PDS5A: variants seen among roughly 807,000 people sequenced by gnomAD.
PDS5A encodes PDS5 cohesin associated factor A, also known as sister chromatid cohesion protein PDS5 homolog A.
PDS5A carries 42 observed loss-of-function variants against 167.1 expected under a neutral mutation model. That is an observed-to-expected ratio of 0.25 (90% CI 0.20 to 0.33). PDS5A has a LOEUF of 0.33. PDS5A is among the 10% of genes least tolerant of loss of function. The probability of loss-of-function intolerance (pLI) is 1.00; values close to 1 mark genes in which losing one functional copy is unlikely to be tolerated. For missense variants in PDS5A, 1,033 were observed against 1,605.9 expected, an observed-to-expected ratio of 0.64 and a Z score of 6.10; for synonymous variants, 553 against 554.6, an observed-to-expected ratio of 1.00 and a Z score of 0.04.
At chr4:39,925,095 G>A (rs1578754275) in intron 5 of PDS5A, among the ~76,000 whole-genome samples, 1 of 152,006 alleles carries the variant, frequency 6.6e-6, no homozygotes, top group African/African-American at 2.4e-5. Flanking sequence ...ATGGGTGACA[G>A]AGCAAGACAC....
At position 39,906,510 on chromosome 4, in the gene PDS5A, A is replaced by C. The variant is rs142009722; in HGVS notation, c.1233+1885T>G. On this transcript the variant is annotated intron_variant, in intron 11 of 32. Coordinates refer to ENST00000303538, the MANE Select transcript of PDS5A (RefSeq NM_001100399.2). ...AAGGTTTAATAGGGTAGGAAAGAAA[A>C]GTTGTAAGAGAAGAGACAGGAAAGG... is the stretch of plus-strand genomic sequence containing the variant. Among the ~76,000 whole-genome samples the C allele has an allele frequency of 3.7e-4, 57 of 152,160 alleles. No homozygotes were observed. The East Asian group carries it at 8.7e-3, about 23-fold the overall frequency.
intron 12 of PDS5A, among the ~76,000 whole-genome samples, 195 bp from the exon 13 acceptor site, chr4:39,902,655 T>C (rs545184192): frequency 5.5e-4 from 83 of 152,106 alleles, no homozygotes; most frequent in African/African-American, 1.9e-3. Context: ...CTCCAGTAGC[T>C]AGGACTACAG....
intron 14 of PDS5A, among the ~76,000 whole-genome samples, chr4:39,900,115 T>C (rs948383101): frequency 4.6e-5 from 7 of 152,280 alleles, no homozygotes; most frequent in Admixed American, 1.3e-4. Flanking sequence ...AAAAGAAATA[T>C]GATGTTTAAT....
chr4:39,943,676 G>A (rs1016668634), intron 2 of PDS5A, among the ~76,000 whole-genome samples: 4 of 151,422 alleles, frequency 2.6e-5, no homozygotes, highest in African/African-American at 9.7e-5. Flanking sequence ...ATGTGGTGGT[G>A]CGCACTTGTA....
chr4:39,925,940 TAAATAA>T lies in PDS5A; in HGVS notation c.430-13_430-8del. The T allele has an allele frequency of 9.8e-7, 1 of 1,021,016 alleles. No homozygotes were observed. Among genetic ancestry groups the T allele is most frequent in the African/African-American group, 1.7e-5 (1 of 60,436 alleles). The allele number at this position is 1,021,016 out of a possible 1,614,324, so 63.2% of individuals were successfully genotyped here. On this transcript the variant is annotated splice_polypyrimidine_tract_variant and splice_region_variant and intron_variant, in intron 4 of 32. Coordinates refer to ENST00000303538, the MANE Select transcript of PDS5A (RefSeq NM_001100399.2). ...ATTTAACCCAAGCTAAATTCTTAAA[TAAATAA>T]AAATAATTATTGAATTATACATATA...
intron 2 of PDS5A, among the ~76,000 whole-genome samples, chr4:39,959,467 T>C (rs1250853324): frequency 1.3e-5 from 2 of 152,008 alleles, no homozygotes; most frequent in African/African-American, 2.4e-5. Flanking sequence ...TCCTTCCAAC[T>C]GGCCTCCTGA....
Position 39,976,590 on chromosome 4 carries a change from C to T in PDS5A, c.-13G>A, listed in dbSNP as rs1296181175. The T allele has an allele frequency of 8.7e-6, 14 of 1,606,724 alleles. No homozygotes were observed. The highest frequency in any genetic ancestry group is 1.2e-5 in the Non-Finnish European group (14 of 1,174,694). On this transcript the variant is annotated 5_prime_UTR_variant, in exon 2 of 33. Coordinates refer to ENST00000303538, the MANE Select transcript of PDS5A (RefSeq NM_001100399.2). The stretch of plus-strand genomic sequence containing the variant: ...CGGTGAAGTCCATCCTGGGGGACAA[C>T]TTTTGGTTCACAGTCCTCTACCGGC...
At chr4:39,915,638 G>C (rs1477964636) in intron 8 of PDS5A, among the ~76,000 whole-genome samples, 1 of 152,138 alleles carries the variant, frequency 6.6e-6, no homozygotes, top group Admixed American at 6.5e-5. Flanking sequence ...GGGATTACAG[G>C]TATGAGCTAC....
intron 11 of PDS5A, among the ~76,000 whole-genome samples, chr4:39,905,017 G>A (rs1578709524): frequency 6.6e-6 from 1 of 152,296 alleles, no homozygotes; most frequent in East Asian, 1.9e-4. Flanking sequence ...AAGAATTCTG[G>A]GCCAGGCATG....
intron 17 of PDS5A, among the ~76,000 whole-genome samples, chr4:39,883,818 T>G (rs1007554033): frequency 2.0e-5 from 3 of 151,926 alleles, no homozygotes; most frequent in Admixed American, 6.6e-5. Context: ...TTTGTAGAGA[T>G]AGGGTTTTGC....
chr4:39,942,747 T>C (rs1727344609), intron 2 of PDS5A, among the ~76,000 whole-genome samples: 1 of 152,168 alleles, frequency 6.6e-6, no homozygotes, highest in African/African-American at 2.4e-5. Flanking sequence ...GAAGGGATCA[T>C]TGACTCCTTC....
At chr4:39,832,161 G>T (rs1466127083) in intron 32 of PDS5A, among the ~76,000 whole-genome samples, 1 of 151,738 alleles carries the variant, frequency 6.6e-6, no homozygotes, top group Non-Finnish European at 1.5e-5. Flanking sequence ...AATATAAGGG[G>T]TCTTCAAAAA....
rs1420372778 is a variant in PDS5A, at chr4:39,976,499, G to A, written c.79C>T (p.Pro27Ser). The stretch of plus-strand genomic sequence containing the variant: ...TTGTCGGTGATCTCTTTTACCCCCG[G>A]AGGGTAAGCGATCTTCCCGTCGGCA... Reference protein sequence around the residue: ...VSADGKIAYPPGVKEITDKIT... With the variant: ...VSADGKIAYPSGVKEITDKIT... Residue 27 changes from proline to serine, a missense_variant, in exon 2 of 33, where the codon CCG becomes TCG. Transcript: ENST00000303538. 1.2e-6 allele frequency: 2 copies of A among 1,613,462 alleles called. No individual in the cohort carries two copies. Among genetic ancestry groups the A allele is most frequent in the Non-Finnish European group, 1.7e-6 (2 of 1,179,564 alleles).
At chr4:39,922,950 G>T (rs867061150) in intron 5 of PDS5A, among the ~76,000 whole-genome samples, 51 of 152,194 alleles carry the variant, frequency 3.4e-4, no homozygotes, top group Middle Eastern at 3.4e-3. Flanking sequence ...TACAACAGTT[G>T]TAAGGTACTG....
chr4:39,954,823 T>C (rs1256824738), intron 2 of PDS5A, among the ~76,000 whole-genome samples: 1 of 151,522 alleles, frequency 6.6e-6, no homozygotes, highest in Non-Finnish European at 1.5e-5. Flanking sequence ...GGCAGGAGGA[T>C]CACGTGAGTC....
Position 39,920,330 on chromosome 4 carries a change from A to T in PDS5A, c.724T>A (p.Cys242Ser). 2 of 1,459,742 alleles carry T rather than the reference A, an allele frequency of 1.4e-6. No individual in the cohort carries two copies. The highest frequency in any genetic ancestry group is 1.9e-6 in the Non-Finnish European group (2 of 1,049,006). 90.4% of individuals were successfully genotyped at this position (1,459,742 alleles called of 1,614,324 possible). The part of the protein sequence containing the change: ...LKRTVQTIEA[C>S]IANFFNQVLV... ...AAAGAAATACATACATTAGCAATGC[A>T]TGCCTCAATAGTCTGGACTGTTCTT... is the stretch of plus-strand genomic sequence containing the variant. The change falls in exon 7 of 33, where the codon TGC (cysteine) becomes AGC (serine). Residue 242 changes from cysteine to serine, a missense_variant. Cys to Ser is a moderately radical substitution (Grantham distance 112). Coordinates refer to ENST00000303538, the MANE Select transcript of PDS5A (RefSeq NM_001100399.2).
At chr4:39,836,009 A>G (rs1004588504) in intron 32 of PDS5A, among the ~76,000 whole-genome samples, 8 of 152,228 alleles carry the variant, frequency 5.3e-5, no homozygotes, top group Non-Finnish European at 1.0e-4. Context: ...CAACTTTTGT[A>G]TAACTGAAAA....
At chr4:39,826,521 C>G (rs1715342307) in intron 32 of PDS5A, among the ~76,000 whole-genome samples, 1 of 94,278 alleles carries the variant, frequency 1.1e-5, no homozygotes, top group African/African-American at 3.3e-5. Context: ...GAGTCTCGCT[C>G]TGTTGCCAGG....
At chr4:39,927,872 G>T in intron 3 of PDS5A, 89 bp downstream of exon 3, 1 of 890,132 alleles carries the variant, frequency 1.1e-6, no homozygotes, top group Non-Finnish European at 1.7e-6. Flanking sequence ...TGAAACCTAT[G>T]TTCATAAAGG....
Sources: allele counts gnomAD v4.1 joint callset (sites outside exome capture counted in the v4.1 genomes callset), GRCh38; gene constraint gnomAD v4.1.1; transcripts MANE v1.5; gene names NCBI Gene and HGNC (gene_info 2026-07-23, HGNC 2026-07-21).